Variants in SLC24A2 observed in about 807,000 individuals in gnomAD.
SLC24A2 encodes solute carrier family 24 member 2.
SLC24A2 carries 36 observed loss-of-function variants against 62.0 expected under a neutral mutation model. The observed-to-expected ratio is 0.58, with a 90% confidence interval of 0.44 to 0.77. The LOEUF is 0.77. SLC24A2 is among the 30% of genes least tolerant of loss of function. The pLI is 0.00. For missense variants in SLC24A2, 846 were observed against 817.9 expected (o/e 1.03, Z -0.42); for synonymous variants, 358 against 294.0 (o/e 1.22, Z -2.23).
chr9:20,069,683 T>C, the SLC24A2 span, among the ~76,000 whole-genome samples: 3 of 152,380 alleles, frequency 2.0e-5, no homozygotes, highest in East Asian at 5.8e-4. Flanking sequence ...TACAGTTCAG[T>C]TGCCTTATGA....
chr9:19,910,791 A>T, the SLC24A2 span, among the ~76,000 whole-genome samples: 12 of 152,026 alleles, frequency 7.9e-5, no homozygotes, highest in African/African-American at 2.9e-4. Flanking sequence ...TCCTTCCTGG[A>T]GGGAAGAATT....
chr9:19,878,287 T>C, the SLC24A2 span, among the ~76,000 whole-genome samples: 1 of 152,182 alleles, frequency 6.6e-6, no homozygotes, highest in Non-Finnish European at 1.5e-5. Flanking sequence ...AAGCCCTTGC[T>C]GCTAGGGGAA....
chr9:20,272,954 T>A, the SLC24A2 span, among the ~76,000 whole-genome samples: 2 of 152,182 alleles, frequency 1.3e-5, no homozygotes, highest in African/African-American at 4.8e-5. Context: ...TGGATCCTGA[T>A]CCCAGGCTAG....
chr9:20,275,502 G>C, the SLC24A2 span, among the ~76,000 whole-genome samples: 1 of 152,134 alleles, frequency 6.6e-6, no homozygotes, highest in African/African-American at 2.4e-5. Flanking sequence ...CCAACAAGAA[G>C]ATCACACCTA....
the SLC24A2 span, among the ~76,000 whole-genome samples, chr9:20,296,225 G>T: frequency 6.6e-6 from 1 of 152,302 alleles, no homozygotes; most frequent in South Asian, 2.1e-4. Context: ...AAATAAAAGT[G>T]CAGCGAGTGT....
chr9:20,060,133 C>A, the SLC24A2 span, among the ~76,000 whole-genome samples: 1 of 151,852 alleles, frequency 6.6e-6, no homozygotes, highest in African/African-American at 2.4e-5. Context: ...ACACTTATGA[C>A]AAGTACAGAA....
chr9:19,694,093 C>A, intron 2 of SLC24A2, among the ~76,000 whole-genome samples: 1 of 126,558 alleles, frequency 7.9e-6, no homozygotes. Context: ...AACTAGGATT[C>A]TCTAAAAAAA....
the SLC24A2 span, among the ~76,000 whole-genome samples, chr9:20,260,845 C>CTTTTTTTTTTTT: frequency 2.2e-3 from 238 of 110,448 alleles, 10 homozygotes; most frequent in African/African-American, 7.3e-3. Context: ...ACGTATCATT[C>CTTTTTTTTTTTT]TTTCTTTTTT....
chr9:20,043,620 G>A, the SLC24A2 span, among the ~76,000 whole-genome samples: 2 of 152,218 alleles, frequency 1.3e-5, no homozygotes, highest in African/African-American at 2.4e-5. Context: ...CAGTGAGAAA[G>A]TCACTGCAGA....
At chr9:20,219,831 A>G in the SLC24A2 span, among the ~76,000 whole-genome samples, 1 of 152,142 alleles carries the variant, frequency 6.6e-6, no homozygotes, top group African/African-American at 2.4e-5. Flanking sequence ...TTGTCAATAA[A>G]CAATTTCATA....
chr9:19,973,599 TC>T, the SLC24A2 span, among the ~76,000 whole-genome samples: 1 of 152,222 alleles, frequency 6.6e-6, no homozygotes, highest in Non-Finnish European at 1.5e-5. Flanking sequence ...CTGAATTTTG[TC>T]CTCATTTGTA....
At chr9:19,945,844 G>T in the SLC24A2 span, among the ~76,000 whole-genome samples, 1 of 152,146 alleles carries the variant, frequency 6.6e-6, no homozygotes, top group Non-Finnish European at 1.5e-5. Flanking sequence ...ATATCCCTCA[G>T]GGACTTGGGC....
At chr9:19,728,232 G>A (rs899558541) in intron 2 of SLC24A2, among the ~76,000 whole-genome samples, 1 of 151,304 alleles carries the variant, frequency 6.6e-6, no homozygotes, top group Non-Finnish European at 1.5e-5. Context: ...GGTATTTAAG[G>A]TTTTCAGAAA....
the SLC24A2 span, among the ~76,000 whole-genome samples, chr9:20,097,246 G>T: frequency 6.6e-6 from 1 of 152,172 alleles, no homozygotes; most frequent in Non-Finnish European, 1.5e-5. Context: ...TGGGAGCAAA[G>T]CTGATGGACA....
At chr9:20,230,068 A>C in the SLC24A2 span, among the ~76,000 whole-genome samples, 7 of 152,154 alleles carry the variant, frequency 4.6e-5, no homozygotes, top group Admixed American at 2.6e-4. Context: ...TGAACTCATC[A>C]TTTTTTATGG....
At position 19,516,054 on chromosome 9, in the gene SLC24A2, G is replaced by A; in HGVS notation, c.*99C>T. 7.0e-7 allele frequency: 1 copy of A among 1,423,734 alleles called. No individual in the cohort carries two copies. The highest frequency in any genetic ancestry group is 9.9e-7 in the Non-Finnish European group (1 of 1,008,330). The allele number at this position is 1,423,734 out of a possible 1,614,324, so 88.2% of individuals were successfully genotyped here. A position where few individuals can be genotyped will look rare whatever the true frequency, so the allele number is the denominator to read the frequency against. ...CAAGGAGGGACACTTGGCACCCAGG[G>A]CTGTGTGCCAGCTGCCTCTTCTCAA... On this transcript the variant is annotated 3_prime_UTR_variant, in exon 11 of 11. Coordinates refer to ENST00000341998, the MANE Select transcript of SLC24A2 (RefSeq NM_020344.4).
chr9:20,246,473 C>G, the SLC24A2 span, among the ~76,000 whole-genome samples: 15 of 152,154 alleles, frequency 9.9e-5, no homozygotes, highest in African/African-American at 3.4e-4. Context: ...AACATTCAGT[C>G]AGGAGGAAAG....
the SLC24A2 span, among the ~76,000 whole-genome samples, chr9:20,058,311 T>G: frequency 2.0e-5 from 3 of 152,134 alleles, no homozygotes; most frequent in Non-Finnish European, 1.5e-5. Context: ...TAAAAATTCA[T>G]TACAAAGACC....
At chr9:19,594,234 C>A (rs1023709319) in intron 5 of SLC24A2, among the ~76,000 whole-genome samples, 1 of 152,058 alleles carries the variant, frequency 6.6e-6, no homozygotes, top group Non-Finnish European at 1.5e-5. Context: ...CAGTGATTGC[C>A]GTGTGTTATT....
Sources: gnomAD v4.1 joint callset for allele counts (sites outside exome capture counted in the v4.1 genomes callset) on GRCh38, gnomAD v4.1.1 for gene constraint, MANE v1.5 for transcripts, NCBI Gene and HGNC (gene_info 2026-07-23, HGNC 2026-07-21) for gene names.